The following GRIK1 variants were observed in gnomAD, a reference collection of about 807,000 sequenced individuals.
GRIK1 encodes the protein glutamate ionotropic receptor kainate type subunit 1.
GRIK1 carries 69 observed loss-of-function variants against 105.7 expected under a neutral mutation model. The observed-to-expected ratio is 0.65, with a 90% CI of 0.54 to 0.80. The LOEUF is 0.80. Among genes scored for constraint, GRIK1 ranks in the 30% least tolerant of loss-of-function variants. GRIK1 has a pLI of 0.00. For missense variants in GRIK1, 1,109 were observed against 1,167.3 expected (o/e 0.95, Z 0.73); for synonymous variants, 438 against 431.3 (o/e 1.02, Z -0.19).
rs540641126 is a variant in GRIK1 at position 29,650,478 on chromosome 21, G to A, written c.954+640C>T. ...TTAGAGAAATATAGTGAAGGTAGGT[G>A]CATTTGACAAGAGACAAATGATGTT... On this transcript the variant is annotated intron_variant, in intron 6 of 17. Coordinates refer to ENST00000327783, the MANE Select transcript of GRIK1 (RefSeq NM_001330994.2). 2.6e-5 allele frequency among the ~76,000 whole-genome samples: 4 copies of A among 152,308 alleles called. No individual in the cohort carries two copies. In the South Asian group the frequency reaches 8.3e-4, roughly 32 times the overall value.
intron 1 of GRIK1, among the ~76,000 whole-genome samples, chr21:29,817,676 A>C (rs959548003): frequency 2.0e-5 from 3 of 152,102 alleles, no homozygotes; most frequent in Non-Finnish European, 4.4e-5. Context: ...GTGGAAACCA[A>C]CTGGACCAAG....
At chr21:29,582,912 A>G (rs1601180272) in intron 12 of GRIK1, among the ~76,000 whole-genome samples, 1 of 152,098 alleles carries the variant, frequency 6.6e-6, no homozygotes, top group Admixed American at 6.6e-5. Context: ...CACACTGGGG[A>G]GAACCGGGCT....
intron 4 of GRIK1, among the ~76,000 whole-genome samples, chr21:29,668,500 G>C (rs974786965): frequency 6.6e-6 from 1 of 152,146 alleles, no homozygotes; most frequent in Non-Finnish European, 1.5e-5. Context: ...ATGGAGCATC[G>C]GATACTGGAG....
intron 1 of GRIK1, among the ~76,000 whole-genome samples, chr21:29,862,945 A>G (rs534427254): frequency 2.6e-5 from 4 of 152,364 alleles, no homozygotes; most frequent in Admixed American, 2.6e-4. Flanking sequence ...TGCTGGCAGT[A>G]TTCCAATACT....
intron 1 of GRIK1, among the ~76,000 whole-genome samples, chr21:29,868,798 A>G (rs1292392562): frequency 6.6e-6 from 1 of 152,116 alleles, no homozygotes; most frequent in African/African-American, 2.4e-5. Flanking sequence ...AAAAGGTTTC[A>G]AGAAGGAAGA....
At chr21:29,710,041 AT>A (rs1423180680) in intron 1 of GRIK1, among the ~76,000 whole-genome samples, 1 of 151,670 alleles carries the variant, frequency 6.6e-6, no homozygotes, top group Non-Finnish European at 1.5e-5. Flanking sequence ...AATAAATGCT[AT>A]ATTATTAATT....
At chr21:29,793,033 C>T (rs78862973) in intron 1 of GRIK1, among the ~76,000 whole-genome samples, 2,575 of 152,188 alleles carry the variant, frequency 0.017, 68 homozygotes, top group African/African-American at 0.058. Context: ...CTTCATTGCA[C>T]GTGAGCAAAT....
At chr21:29,885,259 TTAAA>T (rs1257497315) in intron 1 of GRIK1, among the ~76,000 whole-genome samples, 1 of 152,166 alleles carries the variant, frequency 6.6e-6, no homozygotes, top group East Asian at 1.9e-4. Context: ...CGTTGTATGG[TTAAA>T]TAGTCTTCAA....
chr21:29,707,446 C>CCTCCCTTCCTTCCTTCCTT lies in GRIK1; in HGVS notation c.119-13384_119-13383insAAGGAAGGAAGGAAGGGAG, dbSNP rs2063937804. ...TCTTTCCCTTCCTCCCTCCCTCCCT[C>CCTCCCTTCCTTCCTTCCTT]CCTCCCTCCCTCCCTCCCTCCCTCC... On this transcript the variant is annotated intron_variant, in intron 1 of 17. Coordinates refer to ENST00000327783, the MANE Select transcript of GRIK1 (RefSeq NM_001330994.2). Among the ~76,000 whole-genome samples the CCTCCCTTCCTTCCTTCCTT allele has an allele frequency of 1.7e-3, 32 of 18,642 alleles. 2 individuals are homozygous for CCTCCCTTCCTTCCTTCCTT. The highest frequency in any genetic ancestry group is 6.1e-3 in the African/African-American group (28 of 4,562). The allele number at this position is 18,642 out of a possible 152,430, so 12.2% of individuals were successfully genotyped here.
intron 1 of GRIK1, among the ~76,000 whole-genome samples, chr21:29,699,413 C>T (rs1468039173): frequency 6.6e-6 from 1 of 152,064 alleles, no homozygotes; most frequent in Admixed American, 6.6e-5. Context: ...GACTTGTGCA[C>T]ACAGAGGAAA....
intron 1 of GRIK1, among the ~76,000 whole-genome samples, chr21:29,863,188 C>T (rs972040943): frequency 2.0e-5 from 3 of 152,226 alleles, no homozygotes; most frequent in African/African-American, 7.2e-5. Flanking sequence ...GATTTCCACA[C>T]ATAAATTTGA....
At position 29,790,443 on chromosome 21, in the gene GRIK1, C is replaced by T. The variant is rs140759955; in HGVS notation, c.119-96380G>A. Among the ~76,000 whole-genome samples the T allele has an allele frequency of 3.8e-3, 575 of 151,868 alleles. 4 individuals carry two copies. Among genetic ancestry groups the T allele is most frequent in the African/African-American group, 0.012 (511 of 41,404 alleles). ...GTTAATCATAATGAATGCCCAGTTTCGTAGTTTCTTTCTTTCTTTCTTTTT... is the reference window on the plus strand; with the variant it reads ...GTTAATCATAATGAATGCCCAGTTTTGTAGTTTCTTTCTTTCTTTCTTTTT... On this transcript the variant is annotated intron_variant, in intron 1 of 17. Coordinates refer to ENST00000327783, the MANE Select transcript of GRIK1 (RefSeq NM_001330994.2).
chr21:29,746,552 T>C (rs1484926387), intron 1 of GRIK1, among the ~76,000 whole-genome samples: 1 of 152,128 alleles, frequency 6.6e-6, no homozygotes, highest in African/African-American at 2.4e-5. Flanking sequence ...CATGTATTGA[T>C]ATCATTCCGG....
At chr21:29,753,587 C>T (rs892910206) in intron 1 of GRIK1, among the ~76,000 whole-genome samples, 12 of 152,176 alleles carry the variant, frequency 7.9e-5, no homozygotes, top group African/African-American at 2.9e-4. Context: ...TTACCAACTC[C>T]CTTTAGGGCA....
intron 1 of GRIK1, among the ~76,000 whole-genome samples, chr21:29,877,032 T>C (rs542649079): frequency 2.0e-5 from 3 of 152,324 alleles, no homozygotes; most frequent in African/African-American, 7.2e-5. Context: ...AAAAGTATAC[T>C]TTCAACTATA....
chr21:29,717,442 G>A (rs1205357788), intron 1 of GRIK1, among the ~76,000 whole-genome samples: 1 of 152,186 alleles, frequency 6.6e-6, no homozygotes, highest in Non-Finnish European at 1.5e-5. Flanking sequence ...AAGCCAGAGG[G>A]GCAAGTTATC....
chr21:29,880,968 A>G (rs909633176), intron 1 of GRIK1, among the ~76,000 whole-genome samples: 1 of 152,124 alleles, frequency 6.6e-6, no homozygotes, highest in Admixed American at 6.6e-5. Flanking sequence ...GTAGTGCCCC[A>G]GGTTGGGTGC....
intron 1 of GRIK1, among the ~76,000 whole-genome samples, chr21:29,712,555 A>T (rs1601513144): frequency 6.6e-6 from 1 of 152,174 alleles, no homozygotes; most frequent in East Asian, 1.9e-4. Context: ...AAATAAAAAA[A>T]ATCAACTTCT....
chr21:29,854,518 A>C (rs468665), intron 1 of GRIK1, among the ~76,000 whole-genome samples: 80,408 of 151,888 alleles, frequency 0.53, 25,659 homozygotes, highest in Non-Finnish European at 0.7. Context: ...AGAAAAAAAA[A>C]CAAGAAATTA....
Sources: gnomAD v4.1 joint callset for allele counts (sites outside exome capture counted in the v4.1 genomes callset) on GRCh38, gnomAD v4.1.1 for gene constraint, MANE v1.5 for transcripts, NCBI Gene and HGNC (gene_info 2026-07-23, HGNC 2026-07-21) for gene names.